ITGA1: variants seen among roughly 807,000 people sequenced by gnomAD.
ITGA1 encodes the protein integrin alpha-1.
ITGA1 carries 85 observed loss-of-function variants against 145.9 expected under a neutral mutation model. That is an observed-to-expected ratio of 0.58 (90% CI 0.49 to 0.70). ITGA1 has a LOEUF of 0.70. Ranked by LOEUF, ITGA1 falls within the 30% of genes least tolerant of loss-of-function variation. The pLI, the probability that ITGA1 is intolerant of heterozygous loss-of-function variation, is 0.00. For missense variants in ITGA1, 1,351 were observed against 1,418.7 expected (o/e 0.95, Z 0.77); for synonymous variants, 520 against 495.3 (o/e 1.05, Z -0.66).
chr5:52,853,677 A>G (rs1749462008), intron 2 of ITGA1, among the ~76,000 whole-genome samples: 1 of 152,180 alleles, frequency 6.6e-6, no homozygotes, highest in South Asian at 2.1e-4. Flanking sequence ...TTTGCTCTGA[A>G]GTGTAATTTA....
At chr5:52,942,932 A>T (rs893307567) in intron 26 of ITGA1, among the ~76,000 whole-genome samples, 1 of 152,108 alleles carries the variant, frequency 6.6e-6, no homozygotes, top group Admixed American at 6.5e-5. Flanking sequence ...ATATTCTGAA[A>T]CTTTACTAAA....
rs768866733 is a variant in ITGA1, at chr5:52,910,355, A to G, written c.1793A>G (p.Asp598Gly). ...GTGATAGGAGCTCCGCTGGAAGATGATCACGGGGGAGCTGTGTACATTTAT... is the reference window on the plus strand; with the variant it reads ...GTGATAGGAGCTCCGCTGGAAGATGGTCACGGGGGAGCTGTGTACATTTAT... ...DIVIGAPLED[D>G]HGGAVYIYHG... The change falls in exon 14 of 29, where the codon GAT becomes GGT. Residue 598 changes from aspartate to glycine, a missense_variant. Asp to Gly is a moderately conservative substitution (Grantham distance 94, BLOSUM62 -1). Transcript: ENST00000282588. 6.2e-6 allele frequency: 10 copies of G among 1,613,786 alleles called. No homozygotes were observed. The African/African-American group carries it at 1.2e-4, about 19-fold the overall frequency.
At chr5:52,949,482 C>T (rs954266418) in intron 28 of ITGA1, among the ~76,000 whole-genome samples, 1 of 152,212 alleles carries the variant, frequency 6.6e-6, no homozygotes, top group South Asian at 2.1e-4. Context: ...CATTTTACAC[C>T]TGAGGACATT....
intron 9 of ITGA1, among the ~76,000 whole-genome samples, chr5:52,896,063 C>T (rs1408437734): frequency 2.0e-5 from 3 of 152,162 alleles, no homozygotes; most frequent in African/African-American, 7.2e-5. Context: ...CTCCATTTCC[C>T]GTTGAGCACT....
chr5:52,801,143 T>A, intron 1 of ITGA1: 1 of 1,570,422 alleles, frequency 6.4e-7, no homozygotes, highest in Non-Finnish European at 8.6e-7. Context: ...TACCCAGGGA[T>A]AATTAAGAAT....
At chr5:52,848,572 G>GTAT (rs929820335) in intron 1 of ITGA1, among the ~76,000 whole-genome samples, 2 of 151,810 alleles carry the variant, frequency 1.3e-5, no homozygotes, top group South Asian at 2.1e-4. Context: ...ATTTTTTATT[G>GTAT]TATTATTATT....
chr5:52,868,628 T>A (rs1231542305), intron 6 of ITGA1, among the ~76,000 whole-genome samples: 1 of 152,176 alleles, frequency 6.6e-6, no homozygotes, highest in Non-Finnish European at 1.5e-5. Flanking sequence ...AGGAGGGCCC[T>A]TGGGGTCCAG....
intron 9 of ITGA1, among the ~76,000 whole-genome samples, chr5:52,894,193 G>T (rs1750192446): frequency 6.6e-6 from 1 of 151,880 alleles, no homozygotes; most frequent in African/African-American, 2.4e-5. Flanking sequence ...CTCTGGTTTG[G>T]GTTTTTTTTG....
At chr5:52,850,300 G>A (rs1366781487) in intron 2 of ITGA1, among the ~76,000 whole-genome samples, 5 of 152,166 alleles carry the variant, frequency 3.3e-5, no homozygotes, top group South Asian at 2.1e-4. Flanking sequence ...GCACCTGGCC[G>A]TAGATATGAT....
intron 2 of ITGA1, among the ~76,000 whole-genome samples, chr5:52,856,771 A>G (rs753786681): frequency 1.3e-5 from 2 of 152,108 alleles, no homozygotes; most frequent in Non-Finnish European, 2.9e-5. Context: ...TTGCTGCATA[A>G]TAAGTCATTC....
intron 14 of ITGA1, among the ~76,000 whole-genome samples, chr5:52,911,518 TATATATATCTATATATTA>T (rs1234244282): frequency 3.4e-4 from 43 of 124,708 alleles, no homozygotes; most frequent in Non-Finnish European, 6.3e-4. Context: ...CTATATATAG[TATATATATCTATATATTA>T]GATACATATA....
At chr5:52,901,219 G>C (rs1350704802) in intron 11 of ITGA1, among the ~76,000 whole-genome samples, 3 of 152,124 alleles carry the variant, frequency 2.0e-5, no homozygotes, top group African/African-American at 7.2e-5. Context: ...ATGGAGGGGG[G>C]CCACAAGCCA....
chr5:52,947,870 A>C (rs1751159613), intron 28 of ITGA1, among the ~76,000 whole-genome samples: 1 of 152,208 alleles, frequency 6.6e-6, no homozygotes, highest in South Asian at 2.1e-4. Flanking sequence ...TAAGCAGTAG[A>C]TTCAAGGTTA....
At chr5:52,869,607 C>T (rs1349415541) in intron 6 of ITGA1, among the ~76,000 whole-genome samples, 1 of 152,156 alleles carries the variant, frequency 6.6e-6, no homozygotes, top group Non-Finnish European at 1.5e-5. Context: ...TCTGCATCAT[C>T]TTCTTATCTT....
At chr5:52,916,323 G>A (rs1750647843) in intron 15 of ITGA1, among the ~76,000 whole-genome samples, 1 of 151,670 alleles carries the variant, frequency 6.6e-6, no homozygotes, top group Non-Finnish European at 1.5e-5. Flanking sequence ...GAAATATAAA[G>A]GAAGGGTTTC....
chr5:52,853,000 G>C (rs78568142), intron 2 of ITGA1, among the ~76,000 whole-genome samples: 24,618 of 152,116 alleles, frequency 0.16, 2,333 homozygotes, highest in East Asian at 0.43. Context: ...ATATTTAAAA[G>C]TAAATGTTGT....
At position 52,911,603 on chromosome 5, in the gene ITGA1, CTA is replaced by C. The variant is rs1357288884; in HGVS notation, c.1857+1193_1857+1194del. Among the ~76,000 whole-genome samples the C allele has an allele frequency of 7.0e-3, 292 of 41,508 alleles. 8 individuals carry two copies. The highest frequency in any genetic ancestry group is 8.5e-3 in the African/African-American group (113 of 13,282). The allele number at this position is 41,508 out of a possible 152,430, so 27.2% of individuals were successfully genotyped here. A position where few individuals can be genotyped will look rare whatever the true frequency, so the allele number is the denominator to read the frequency against. ...ATATATAGTGTATCTACTATATATA[CTA>C]TATATATAGTGTATCTACTATATAT... On this transcript the variant is annotated intron_variant, in intron 14 of 28. Transcript: ENST00000282588.
intron 2 of ITGA1, among the ~76,000 whole-genome samples, chr5:52,856,690 G>C (rs893774885): frequency 6.7e-6 from 1 of 148,522 alleles, no homozygotes; most frequent in African/African-American, 2.6e-5. Flanking sequence ...CAGAGAGAGA[G>C]AGAGAGAGAG....
In ITGA1 at chr5:52,897,615, G is replaced by A. The variant is rs1256114506; in HGVS notation, c.1164+87G>A. 3 of 866,698 alleles carry A rather than the reference G, an allele frequency of 3.5e-6. No individual in the cohort carries two copies. The Admixed American group carries it at 5.6e-5, about 16-fold the overall frequency. The allele number at this position is 866,698 out of a possible 1,614,324, so 53.7% of individuals were successfully genotyped here. On this transcript the variant is annotated intron_variant, in intron 10 of 28. Transcript: ENST00000282588. ...AACATCTAGCCATCAGTATGTAAGT[G>A]CAACGTGCAGTTCATAGCTTGAACA...
Sources: allele counts gnomAD v4.1 joint callset (sites outside exome capture counted in the v4.1 genomes callset), GRCh38; gene constraint gnomAD v4.1.1; transcripts MANE v1.5; gene names NCBI Gene and HGNC (gene_info 2026-07-23, HGNC 2026-07-21).